The following PAX5 variants were observed in gnomAD, a reference collection of about 807,000 sequenced individuals.
The protein encoded by PAX5 is paired box protein Pax-5.
In PAX5, 9 loss-of-function variants were observed where a neutral mutation model predicts 43.7. That is an observed-to-expected ratio of 0.21 (90% CI 0.12 to 0.36). PAX5 has a LOEUF of 0.36. Ranked by LOEUF, PAX5 falls within the 10% of genes least tolerant of loss-of-function variation. The pLI, the probability that PAX5 is intolerant of heterozygous loss-of-function variation, is 1.00. For missense variants in PAX5, 383 were observed against 532.7 expected, an observed-to-expected ratio of 0.72 and a Z score of 2.77; for synonymous variants, 228 against 214.3, an observed-to-expected ratio of 1.06 and a Z score of -0.56.
Position 36,932,386 on chromosome 9 carries a change from C to T in PAX5, c.781-8902G>A, listed in dbSNP as rs150073993. 1.5e-3 allele frequency among the ~76,000 whole-genome samples: 228 copies of T among 152,356 alleles called. 1 individual carries two copies. The highest frequency in any genetic ancestry group is 5.3e-3 in the African/African-American group (221 of 41,566). Reference sequence around the variant, plus strand: ...GTTAATAAAATGTGGTATATCTACACAATGGAATACTATTCAACAGTGAAA... The same window carrying T: ...GTTAATAAAATGTGGTATATCTACATAATGGAATACTATTCAACAGTGAAA... On this transcript the variant is annotated intron_variant, in intron 6 of 9. Coordinates refer to ENST00000358127, the MANE Select transcript of PAX5 (RefSeq NM_016734.3).
intron 1 of PAX5, among the ~76,000 whole-genome samples, chr9:37,030,880 G>A (rs1273107850): frequency 2.0e-5 from 3 of 152,244 alleles, no homozygotes; most frequent in Non-Finnish European, 4.4e-5. Flanking sequence ...TTCTGACAAA[G>A]TGAGGCCCAA....
intron 5 of PAX5, among the ~76,000 whole-genome samples, chr9:36,977,634 G>A (rs968978495): frequency 2.6e-5 from 4 of 152,046 alleles, no homozygotes; most frequent in African/African-American, 7.2e-5. Flanking sequence ...AGGTTCAAGC[G>A]ATTCTCCTGC....
At chr9:36,977,738 G>C (rs1835564458) in intron 5 of PAX5, among the ~76,000 whole-genome samples, 1 of 152,156 alleles carries the variant, frequency 6.6e-6, no homozygotes, top group Non-Finnish European at 1.5e-5. Context: ...CACCATGTTG[G>C]CCAGGCTGGC....
In PAX5 at chr9:36,882,060, A is replaced by G. The variant is rs2131763414; in HGVS notation, c.956T>C (p.Val319Ala). The G allele has an allele frequency of 6.2e-7, 1 of 1,610,188 alleles. No individual in the cohort carries two copies. The highest frequency in any genetic ancestry group is 8.5e-7 in the Non-Finnish European group (1 of 1,177,658). Reference sequence around the variant, plus strand: ...GTAGCTGCCCTGTCCAGCGGGGGGGACGTGTGGAGGGTACCCGGGGAGGGT... The same window carrying G: ...GTAGCTGCCCTGTCCAGCGGGGGGGGCGTGTGGAGGGTACCCGGGGAGGGT... The part of the protein sequence containing the change: ...STTLPGYPPH[V>A]PPAGQGSYSA... Residue 319 changes from valine to alanine, a missense_variant, in exon 8 of 10, where the codon GTC (valine) becomes GCC (alanine). Physicochemically the swap from Val to Ala is moderately conservative, Grantham distance 64 (BLOSUM62 0). This residue lies in a region of PAX5 where 291 missense variants were observed against 342.5 expected (regional missense o/e 0.85). Transcript: ENST00000358127. This position sits in a 1 kb window ranked among gnomAD's most constrained non-coding sequence, Gnocchi z 4.4.
At position 36,840,614 on chromosome 9, in the gene PAX5, A is replaced by T. The variant is rs572725619; in HGVS notation, c.1122T>A (p.Ala374=). 1.3e-6 allele frequency: 2 copies of T among 1,578,050 alleles called. No homozygotes were observed. Among genetic ancestry groups the T allele is most frequent in the East Asian group, 4.6e-5 (2 of 43,668 alleles). ...GLLGSPYYYS[A]AARGAAPPAA... is the part of the protein sequence containing the mutation. The stretch of plus-strand genomic sequence containing the variant: ...CAGGTGGGGCGGCTCCTCGGGCGGC[A>T]GCGCTATAATAGTAGGGGGAGCCTG... The change falls in exon 10 of 10, where the codon GCT becomes GCA. Residue 374 remains alanine (A), a synonymous_variant. Transcript: ENST00000358127.
intron 8 of PAX5, among the ~76,000 whole-genome samples, chr9:36,875,241 C>T (rs185218619): frequency 1.1e-4 from 16 of 152,370 alleles, no homozygotes; most frequent in Admixed American, 4.6e-4. Flanking sequence ...TAGCGAAGCT[C>T]TCCTTGGCAG....
In PAX5 at chr9:36,892,096, C is replaced by T. The variant is rs182337633; in HGVS notation, c.911-9991G>A. 2.1e-3 allele frequency among the ~76,000 whole-genome samples: 322 copies of T among 152,298 alleles called. 4 individuals carry two copies. The highest frequency in any genetic ancestry group is 1.9e-3 in the Non-Finnish European group (126 of 68,014). ...CCCCCGGAACCAGCAACTGTTGAGC[C>T]AACTTAATGAAATGACAAAGTCAGG... On this transcript the variant is annotated intron_variant, in intron 7 of 9. Transcript: ENST00000358127.
chr9:36,963,798 G>T (rs1476210689), intron 6 of PAX5, among the ~76,000 whole-genome samples: 1 of 152,178 alleles, frequency 6.6e-6, no homozygotes, highest in Non-Finnish European at 1.5e-5. Context: ...GGGGTTCACA[G>T]AAACACTTGT....
At chr9:37,013,764 C>T (rs995976765) in intron 3 of PAX5, among the ~76,000 whole-genome samples, 4 of 152,206 alleles carry the variant, frequency 2.6e-5, no homozygotes, top group Admixed American at 6.5e-5. Context: ...TCTCCTCTAT[C>T]TCCCCTGTAC....
Position 36,840,213 on chromosome 9 carries a change from C to T in PAX5, c.*347G>A. 1 of 466,528 alleles carries T rather than the reference C, an allele frequency of 2.1e-6. No homozygotes were observed. The highest frequency in any genetic ancestry group is 3.9e-5 in the East Asian group (1 of 25,902). 28.9% of individuals were successfully genotyped at this position (466,528 alleles called of 1,614,324 possible). On this transcript the variant is annotated 3_prime_UTR_variant, in exon 10 of 10. Transcript: ENST00000358127. ...AAGCAACAAAAGCAAGCTCTCCTTC[C>T]CAGGCTGGGGTGGTTATGATGGATG...
intron 7 of PAX5, among the ~76,000 whole-genome samples, chr9:36,909,485 G>C (rs1353768739): frequency 6.6e-6 from 1 of 152,244 alleles, no homozygotes; most frequent in African/African-American, 2.4e-5. Flanking sequence ...GAGGCCTGAA[G>C]TCAGGGACAG....
At chr9:36,956,320 C>A (rs1833472999) in intron 6 of PAX5, among the ~76,000 whole-genome samples, 1 of 152,192 alleles carries the variant, frequency 6.6e-6, no homozygotes, top group Admixed American at 6.5e-5. Flanking sequence ...TTAAATCCCA[C>A]AAACACAGAA....
Position 36,840,460 on chromosome 9 carries a change from G to C in PAX5, c.*100C>G. On this transcript the variant is annotated 3_prime_UTR_variant, in exon 10 of 10. Coordinates refer to ENST00000358127, the MANE Select transcript of PAX5 (RefSeq NM_016734.3). ...GCTTCAGGCAAGTGGGGGATGCTGG[G>C]GGACGGTCTCATGGGCTCTCTGGCT... The C allele has an allele frequency of 1.7e-6, 2 of 1,165,318 alleles. No homozygotes were observed. Among genetic ancestry groups the C allele is most frequent in the Non-Finnish European group, 2.5e-6 (2 of 804,452 alleles). 72.2% of individuals were successfully genotyped at this position (1,165,318 alleles called of 1,614,324 possible).
At chr9:36,973,068 A>AGGAATGGAACGGAACGGAACGGAAC (rs1835062967) in intron 5 of PAX5, among the ~76,000 whole-genome samples, 1 of 110,268 alleles carries the variant, frequency 9.1e-6, no homozygotes, top group African/African-American at 3.7e-5. Flanking sequence ...AGGAAAGGAA[A>AGGAATGGAACGGAACGGAACGGAAC]GGAACGGAAC....
intron 8 of PAX5, among the ~76,000 whole-genome samples, chr9:36,857,110 T>C (rs913145943): frequency 6.6e-6 from 1 of 152,184 alleles, no homozygotes; most frequent in Admixed American, 6.5e-5. Flanking sequence ...TAGCCTCAAC[T>C]GGGTTTGTTC....
intron 5 of PAX5, among the ~76,000 whole-genome samples, chr9:36,986,059 C>T (rs1197334610): frequency 6.6e-6 from 1 of 152,044 alleles, no homozygotes; most frequent in African/African-American, 2.4e-5. Flanking sequence ...ACGCCAGCTC[C>T]GTCCGACCCC....
At chr9:36,999,270 A>C (rs1019538554) in intron 5 of PAX5, among the ~76,000 whole-genome samples, 1 of 152,114 alleles carries the variant, frequency 6.6e-6, no homozygotes, top group Non-Finnish European at 1.5e-5. Context: ...CTTTGATTGG[A>C]ATGCCCTCTC....
intron 5 of PAX5, among the ~76,000 whole-genome samples, chr9:36,984,026 T>C (rs1836164921): frequency 6.6e-6 from 1 of 152,210 alleles, no homozygotes; most frequent in Non-Finnish European, 1.5e-5. Context: ...CTGGATTCCC[T>C]CTGCCCTTTT....
intron 7 of PAX5, among the ~76,000 whole-genome samples, chr9:36,891,690 CA>C (rs1827402715): frequency 6.6e-6 from 1 of 152,238 alleles, no homozygotes; most frequent in South Asian, 2.1e-4. Flanking sequence ...CTCCTAATGA[CA>C]GGTTTATTAG....
Sources: gnomAD v4.1 joint callset for allele counts (sites outside exome capture counted in the v4.1 genomes callset) on GRCh38, gnomAD v4.1.1 for gene constraint, gnomAD v4.1.1 regional missense constraint, Gnocchi (gnomAD v3.1) non-coding constraint, MANE v1.5 for transcripts, NCBI Gene and HGNC (gene_info 2026-07-23, HGNC 2026-07-21) for gene names.